SAMMSON: variants seen among roughly 807,000 people sequenced by gnomAD.
The protein encoded by SAMMSON is long intergenic non-protein coding RNA 1212.
At chr3:70,347,608 T>A (rs970476151) in intron 7 of SAMMSON, among the ~76,000 whole-genome samples, 14 of 152,302 alleles carry the variant, frequency 9.2e-5, no homozygotes, top group African/African-American at 3.1e-4. Context: ...TATTTATGAA[T>A]GCTCGTGATA....
At chr3:70,313,237 A>G (rs7617123) in intron 7 of SAMMSON, among the ~76,000 whole-genome samples, 61,397 of 152,032 alleles carry the variant, frequency 0.4, 12,896 homozygotes, top group East Asian at 0.64. Context: ...GGCTGAGACA[A>G]GAAATGGATT....
At chr3:70,167,036 T>C (rs2067640141) in intron 4 of SAMMSON, among the ~76,000 whole-genome samples, 1 of 152,084 alleles carries the variant, frequency 6.6e-6, no homozygotes, top group Admixed American at 6.6e-5. Context: ...TAAAATGCTT[T>C]AAAAAGTGTA....
intron 9 of SAMMSON, among the ~76,000 whole-genome samples, chr3:70,381,049 G>A (rs1370606217): frequency 6.6e-6 from 1 of 152,106 alleles, no homozygotes; most frequent in African/African-American, 2.4e-5. Flanking sequence ...ACTCCTTTGG[G>A]TATATACCCA....
At chr3:70,286,875 T>A (rs1702170503) in intron 6 of SAMMSON, among the ~76,000 whole-genome samples, 1 of 152,084 alleles carries the variant, frequency 6.6e-6, no homozygotes, top group Admixed American at 6.6e-5. Flanking sequence ...TGTTGGTGTA[T>A]AAGAATGCTT....
intron 4 of SAMMSON, among the ~76,000 whole-genome samples, chr3:70,089,335 C>T (rs1182866256): frequency 6.6e-6 from 1 of 152,278 alleles, no homozygotes; most frequent in Non-Finnish European, 1.5e-5. Flanking sequence ...TATGCATCAG[C>T]ACATGCAATC....
At chr3:70,310,843 G>C (rs1702448017) in intron 7 of SAMMSON, among the ~76,000 whole-genome samples, 1 of 152,120 alleles carries the variant, frequency 6.6e-6, no homozygotes, top group Non-Finnish European at 1.5e-5. Context: ...TGATGAGGTG[G>C]TGGTTACATT....
intron 2 of SAMMSON, among the ~76,000 whole-genome samples, chr3:70,400,226 TG>T (rs1007146446): frequency 3.3e-5 from 5 of 152,164 alleles, no homozygotes; most frequent in African/African-American, 9.6e-5. Context: ...TGCCATGGTT[TG>T]GTTTGTCCCC....
intron 4 of SAMMSON, among the ~76,000 whole-genome samples, chr3:70,157,383 C>T (rs962378861): frequency 2.0e-5 from 3 of 152,088 alleles, no homozygotes; most frequent in African/African-American, 7.2e-5. Flanking sequence ...AGTGTGGTAG[C>T]ACATGAATCA....
chr3:70,360,698 A>G (rs914363427), intron 9 of SAMMSON, among the ~76,000 whole-genome samples: 2 of 152,204 alleles, frequency 1.3e-5, no homozygotes, highest in African/African-American at 2.4e-5. Context: ...TTTGAATGAG[A>G]TATAACAATT....
chr3:70,360,352 TC>T (rs1702862629), intron 9 of SAMMSON, among the ~76,000 whole-genome samples: 1 of 152,164 alleles, frequency 6.6e-6, no homozygotes, highest in African/African-American at 2.4e-5. Context: ...GACGGGACCT[TC>T]TTAGAAACAA....
In SAMMSON at chr3:70,145,094, A is replaced by G. The variant is rs568404301; in HGVS notation, n.507+73529A>G. ...GCTCCCTTCTTCTTCATTCTTACCCAGGACTGCTGCAGCCATAGAAAATCT... is the reference window on the plus strand; with the variant it reads ...GCTCCCTTCTTCTTCATTCTTACCCGGGACTGCTGCAGCCATAGAAAATCT... On this transcript the variant is annotated intron_variant and non_coding_transcript_variant, in intron 4 of 9. Coordinates refer to ENST00000642114, the Ensembl canonical transcript of SAMMSON. 5.9e-5 allele frequency among the ~76,000 whole-genome samples: 9 copies of G among 152,152 alleles called. No individual in the cohort carries two copies. The South Asian group carries it at 1.9e-3, about 32-fold the overall frequency.
At chr3:70,070,573 T>A (rs1380353345) in intron 3 of SAMMSON, among the ~76,000 whole-genome samples, 1 of 151,676 alleles carries the variant, frequency 6.6e-6, no homozygotes, top group African/African-American at 2.4e-5. Flanking sequence ...TGATTATTCA[T>A]AGTAGAAAAA....
At chr3:70,221,213 T>C (rs1701457936) in intron 4 of SAMMSON, among the ~76,000 whole-genome samples, 1 of 152,184 alleles carries the variant, frequency 6.6e-6, no homozygotes, top group Admixed American at 6.5e-5. Context: ...TCCATTCATT[T>C]ATTCATTAGT....
intron 3 of SAMMSON, among the ~76,000 whole-genome samples, chr3:70,024,285 T>C (rs890443528): frequency 6.6e-6 from 1 of 152,218 alleles, no homozygotes; most frequent in Non-Finnish European, 1.5e-5. Context: ...TAGTTTCCTA[T>C]TATTTTTCAT....
intron 7 of SAMMSON, among the ~76,000 whole-genome samples, chr3:70,338,042 C>A (rs1252689822): frequency 1.3e-5 from 2 of 151,158 alleles, no homozygotes; most frequent in Non-Finnish European, 3.0e-5. Flanking sequence ...ATTTATTGAC[C>A]AAAATTTATA....
intron 4 of SAMMSON, among the ~76,000 whole-genome samples, chr3:70,182,610 C>A (rs1181457556): frequency 6.6e-6 from 1 of 152,160 alleles, no homozygotes; most frequent in Non-Finnish European, 1.5e-5. Flanking sequence ...ACCTCAATCT[C>A]AATGATTTCA....
At chr3:70,321,846 C>A (rs1250972585) in intron 7 of SAMMSON, among the ~76,000 whole-genome samples, 1 of 151,874 alleles carries the variant, frequency 6.6e-6, no homozygotes, top group Non-Finnish European at 1.5e-5. Flanking sequence ...AGACAGTAGA[C>A]CAGATACTAT....
At chr3:70,115,387 G>T (rs1056231744) in intron 4 of SAMMSON, among the ~76,000 whole-genome samples, 4 of 151,982 alleles carry the variant, frequency 2.6e-5, no homozygotes, top group Non-Finnish European at 4.4e-5. Context: ...TTTTCAAAAA[G>T]GATTCTAAAA....
At chr3:70,294,678 A>G (rs1281956797) in intron 7 of SAMMSON, among the ~76,000 whole-genome samples, 1 of 152,162 alleles carries the variant, frequency 6.6e-6, no homozygotes, top group Non-Finnish European at 1.5e-5. Context: ...TATGACTCAT[A>G]TATCCATTTT....
Sources: gnomAD v4.1 joint callset for allele counts (sites outside exome capture counted in the v4.1 genomes callset) on GRCh38, gnomAD v4.1.1 for gene constraint, MANE v1.5 for transcripts, NCBI Gene and HGNC (gene_info 2026-07-23, HGNC 2026-07-21) for gene names.